The following STARD13 variants were observed in gnomAD, a reference collection of about 807,000 sequenced individuals.
The protein encoded by STARD13 is StAR related lipid transfer domain containing 13.
A neutral mutation model predicts 106.4 loss-of-function variants in STARD13; 62 were observed. The ratio of observed to expected loss-of-function variants is 0.58; its 90% CI spans 0.48 to 0.72. The LOEUF is 0.72. STARD13 is among the 30% of genes least tolerant of loss of function. The pLI, the probability that STARD13 is intolerant of heterozygous loss-of-function variation, is 0.00. For synonymous variants in STARD13, 565 were observed against 553.0 expected (o/e 1.02, Z -0.31); for missense variants, 1,387 against 1,424.0 (o/e 0.97, Z 0.42).
intron 1 of STARD13, chr13:33,276,725 C>T (rs1375194630): frequency 6.6e-6 from 1 of 152,112 alleles, no homozygotes; most frequent in Admixed American, 6.6e-5. Flanking sequence ...TACTTCAGCT[C>T]GAAATCCTGA....
At chr13:33,609,855 A>C in the STARD13 span, among the ~76,000 whole-genome samples, 1 of 152,194 alleles carries the variant, frequency 6.6e-6, no homozygotes, top group Admixed American at 6.5e-5. Flanking sequence ...GGCGTGAGCC[A>C]CTGCGCCCGG....
At position 33,266,593 on chromosome 13, in the gene STARD13, C is replaced by T. The variant is rs996678269; in HGVS notation, c.169+18877G>A. ...AAATTGCTCAAGTCATACTTTTCCA[C>T]TCATTCTGTTGCCCTGCTTAGGACA... On this transcript the variant is annotated intron_variant, in intron 1 of 13. Coordinates refer to ENST00000336934, the MANE Select transcript of STARD13 (RefSeq NM_178006.4). 2.0e-5 allele frequency among the ~76,000 whole-genome samples: 3 copies of T among 152,198 alleles called. No homozygotes were observed. In the East Asian group the frequency reaches 5.8e-4, roughly 29 times the overall value.
At chr13:33,162,346 A>G (rs1327695167) in intron 3 of STARD13, among the ~76,000 whole-genome samples, 1 of 152,174 alleles carries the variant, frequency 6.6e-6, no homozygotes, top group Non-Finnish European at 1.5e-5. Flanking sequence ...TGCTGTGAAG[A>G]CCTATGACAT....
chr13:33,541,586 T>C, the STARD13 span, among the ~76,000 whole-genome samples: 1 of 152,244 alleles, frequency 6.6e-6, no homozygotes, highest in African/African-American at 2.4e-5. Context: ...TCGGACAATC[T>C]TTCTTATATC....
At chr13:33,311,623 T>C (rs1893140842) in intron 1 of STARD13, among the ~76,000 whole-genome samples, 1 of 152,242 alleles carries the variant, frequency 6.6e-6, no homozygotes, top group Non-Finnish European at 1.5e-5. Context: ...TATATTTTAG[T>C]TGTAATCTTA....
the STARD13 span, among the ~76,000 whole-genome samples, chr13:33,598,476 AGTTATTT>A: frequency 6.6e-6 from 1 of 152,306 alleles, no homozygotes; most frequent in African/African-American, 2.4e-5. Context: ...ATTTTATTAC[AGTTATTT>A]GTTTATGCAT....
the STARD13 span, among the ~76,000 whole-genome samples, chr13:33,400,869 C>A: frequency 2.0e-5 from 3 of 151,206 alleles, no homozygotes; most frequent in African/African-American, 7.3e-5. Context: ...AATAATACTT[C>A]AATAAAATTG....
intron 1 of STARD13, among the ~76,000 whole-genome samples, chr13:33,266,761 C>T (rs899640243): frequency 7.2e-5 from 11 of 152,316 alleles, no homozygotes; most frequent in Admixed American, 7.2e-4. Context: ...AAGCCATACG[C>T]TCCCTTGAAT....
chr13:33,523,518 C>A, the STARD13 span, among the ~76,000 whole-genome samples: 1 of 152,120 alleles, frequency 6.6e-6, no homozygotes, highest in East Asian at 1.9e-4. Flanking sequence ...TACAACCTTG[C>A]AAATTATTAC....
At chr13:33,530,327 T>C in the STARD13 span, among the ~76,000 whole-genome samples, 1 of 152,156 alleles carries the variant, frequency 6.6e-6, no homozygotes, top group African/African-American at 2.4e-5. Context: ...AATTCTCTTT[T>C]CCTCCCACCA....
At chr13:33,316,229 G>A (rs868068750) in intron 1 of STARD13, among the ~76,000 whole-genome samples, 5 of 152,024 alleles carry the variant, frequency 3.3e-5, no homozygotes, top group Non-Finnish European at 5.9e-5. Flanking sequence ...TCTCACATGT[G>A]GTTTCCTCTA....
chr13:33,360,668 G>C, the STARD13 span, among the ~76,000 whole-genome samples: 2 of 134,328 alleles, frequency 1.5e-5, no homozygotes, highest in African/African-American at 2.8e-5. Context: ...TTCCTTCTGT[G>C]TAGACAGAAG....
the STARD13 span, among the ~76,000 whole-genome samples, chr13:33,535,818 C>T: frequency 6.6e-6 from 1 of 152,166 alleles, no homozygotes; most frequent in Non-Finnish European, 1.5e-5. Context: ...TTACAATAAT[C>T]CCATTCAGGG....
At chr13:33,119,796 G>A (rs1398759586) in intron 7 of STARD13, among the ~76,000 whole-genome samples, 1 of 152,098 alleles carries the variant, frequency 6.6e-6, no homozygotes, top group African/African-American at 2.4e-5. Flanking sequence ...CTTAAAGTTT[G>A]GAATGTCTAG....
At chr13:33,444,202 G>A in the STARD13 span, among the ~76,000 whole-genome samples, 6 of 152,286 alleles carry the variant, frequency 3.9e-5, no homozygotes, top group East Asian at 7.7e-4. Context: ...CACATTTCTA[G>A]CACTATGCTA....
the STARD13 span, among the ~76,000 whole-genome samples, chr13:33,619,834 C>T: frequency 6.6e-5 from 10 of 151,986 alleles, no homozygotes; most frequent in East Asian, 3.9e-4. Context: ...AGGCCGAGGT[C>T]GGCCAATCAC....
Position 33,103,759 on chromosome 13 carries a change from G to C in STARD13, c.*1834C>G, listed in dbSNP as rs559310023. On this transcript the variant is annotated 3_prime_UTR_variant, in exon 14 of 14. Coordinates refer to ENST00000336934, the MANE Select transcript of STARD13 (RefSeq NM_178006.4). The stretch of plus-strand genomic sequence containing the variant: ...ACATAGGATCCCATCTCAGGAGCAG[G>C]ACCAGTGTTTAGCTAGATTAAACTT... 2 of 152,274 alleles carry C rather than the reference G, an allele frequency of 1.3e-5. No homozygotes were observed. The highest frequency in any genetic ancestry group is 2.4e-5 in the African/African-American group (1 of 41,456). 9.4% of individuals were successfully genotyped at this position (152,274 alleles called of 1,614,324 possible).
chr13:33,672,990 A>AAT, the STARD13 span, among the ~76,000 whole-genome samples: 1 of 152,236 alleles, frequency 6.6e-6, no homozygotes, highest in African/African-American at 2.4e-5. Context: ...AATTTAAGGC[A>AAT]ATTTAAGCAT....
intron 4 of STARD13, chr13:33,138,937 A>G (rs1286211358): frequency 1.1e-5 from 5 of 444,072 alleles, no homozygotes; most frequent in Non-Finnish European, 2.3e-5. Context: ...TGGAAGTGGC[A>G]TTTCATGTAT....
Sources: allele counts gnomAD v4.1 joint callset (sites outside exome capture counted in the v4.1 genomes callset), GRCh38; gene constraint gnomAD v4.1.1; transcripts MANE v1.5; gene names NCBI Gene and HGNC (gene_info 2026-07-23, HGNC 2026-07-21).